STXBP5L: variants seen among roughly 807,000 people sequenced by gnomAD.
STXBP5L encodes the protein syntaxin-binding protein 5-like.
A neutral mutation model predicts 144.5 loss-of-function variants in STXBP5L; 65 were observed. The ratio of observed to expected loss-of-function variants is 0.45; its 90% CI spans 0.37 to 0.55. The LOEUF is 0.55. STXBP5L is among the 20% of genes least tolerant of loss of function. STXBP5L has a pLI of 0.00. For synonymous variants in STXBP5L, 505 were observed against 469.6 expected, an observed-to-expected ratio of 1.08 and a Z score of -0.97; for missense variants, 1,298 against 1,405.5, an observed-to-expected ratio of 0.92 and a Z score of 1.22.
intron 5 of STXBP5L, among the ~76,000 whole-genome samples, chr3:121,097,622 G>C (rs558793095): frequency 2.6e-5 from 4 of 152,240 alleles, no homozygotes; most frequent in South Asian, 2.1e-4. Context: ...CCCTGCTTCA[G>C]ATCACCCTCC....
intron 20 of STXBP5L, among the ~76,000 whole-genome samples, chr3:121,366,818 A>AT (rs140688338): frequency 1.3e-5 from 2 of 151,584 alleles, no homozygotes; most frequent in Non-Finnish European, 2.9e-5. Context: ...TTTGTACTCC[A>AT]TTTTTTTATT....
At position 121,217,254 on chromosome 3, in the gene STXBP5L, C is replaced by T. The variant is rs538519173; in HGVS notation, c.957-5749C>T. Reference sequence around the variant, plus strand: ...TGAAAAGAAACTCCTTCAGCTAGCTCGGTGTCTGCCCAAATGGCTTCCCAG... The same window carrying T: ...TGAAAAGAAACTCCTTCAGCTAGCTTGGTGTCTGCCCAAATGGCTTCCCAG... On this transcript the variant is annotated intron_variant, in intron 10 of 26. Transcript: ENST00000471454. Among the ~76,000 whole-genome samples, 46 of 152,252 alleles carry T rather than the reference C, an allele frequency of 3.0e-4. 1 individual carries two copies. Among genetic ancestry groups the T allele is most frequent in the African/African-American group, 2.2e-4 (9 of 41,548 alleles).
chr3:120,981,737 C>T (rs1216531694), intron 3 of STXBP5L, among the ~76,000 whole-genome samples: 1 of 152,124 alleles, frequency 6.6e-6, no homozygotes, highest in Non-Finnish European at 1.5e-5. Flanking sequence ...GCAGGTGGTA[C>T]AACACTTTGT....
chr3:121,000,182 G>A (rs977338330), intron 3 of STXBP5L, among the ~76,000 whole-genome samples: 2 of 152,134 alleles, frequency 1.3e-5, no homozygotes, highest in African/African-American at 4.8e-5. Flanking sequence ...AAATTTTCAT[G>A]AAGAAAATCC....
chr3:121,234,817 C>T (rs2049421060), intron 12 of STXBP5L, among the ~76,000 whole-genome samples: 1 of 151,764 alleles, frequency 6.6e-6, no homozygotes, highest in Non-Finnish European at 1.5e-5. Flanking sequence ...AGGATTTATG[C>T]TTATTCTTCT....
chr3:121,101,162 A>T (rs1457638970), intron 5 of STXBP5L, among the ~76,000 whole-genome samples: 1 of 152,098 alleles, frequency 6.6e-6, no homozygotes, highest in Non-Finnish European at 1.5e-5. Flanking sequence ...TCCACCAGAC[A>T]TACAAAGAAA....
At chr3:121,091,938 G>A (rs927303511) in intron 5 of STXBP5L, among the ~76,000 whole-genome samples, 1 of 152,024 alleles carries the variant, frequency 6.6e-6, no homozygotes, top group African/African-American at 2.4e-5. Flanking sequence ...AATTCATCTT[G>A]AATTAATTTT....
At chr3:121,121,928 G>A (rs1286250690) in intron 7 of STXBP5L, among the ~76,000 whole-genome samples, 1 of 150,888 alleles carries the variant, frequency 6.6e-6, no homozygotes, top group African/African-American at 2.4e-5. Context: ...GATAAAATCG[G>A]TATTTAATTC....
chr3:121,127,871 T>A (rs1271908896), intron 7 of STXBP5L, among the ~76,000 whole-genome samples: 1 of 151,938 alleles, frequency 6.6e-6, no homozygotes, highest in Non-Finnish European at 1.5e-5. Context: ...GGAGAACAGT[T>A]TCCCTTTTCT....
At position 121,378,793 on chromosome 3, in the gene STXBP5L, T is replaced by G. The variant is rs773074975; in HGVS notation, c.2254T>G (p.Ser752Ala). 1 of 1,613,774 alleles carries G rather than the reference T, an allele frequency of 6.2e-7. No individual in the cohort carries two copies. The highest frequency in any genetic ancestry group is 1.7e-5 in the Admixed American group (1 of 59,896). The change falls in exon 21 of 27, where the codon TCA (serine) becomes GCA (alanine). Residue 752 changes from serine (S) to alanine (A), a missense_variant. Coordinates refer to ENST00000471454, the MANE Select transcript of STXBP5L (RefSeq NM_001308330.2). Reference protein sequence around the residue: ...SGKRLSSADVSKVNRWGPGRP... With the variant: ...SGKRLSSADVAKVNRWGPGRP... ...AAAACGTCTTTCTAGTGCCGATGTT[T>G]CAAAAGTAAATCGCTGGGGTCCTGG...
In STXBP5L at chr3:121,087,131, G is replaced by T. The variant is rs112779092; in HGVS notation, c.471-27794G>T. On this transcript the variant is annotated intron_variant, in intron 5 of 26. Coordinates refer to ENST00000471454, the MANE Select transcript of STXBP5L (RefSeq NM_001308330.2). ...TAGCTCATCTTTGTGTATGTTCTGT[G>T]TATGCTAGAAAAATAATGTCTATTT... Among the ~76,000 whole-genome samples the T allele has an allele frequency of 2.5e-3, 378 of 152,048 alleles. 2 individuals are homozygous for T. Among genetic ancestry groups the T allele is most frequent in the African/African-American group, 8.6e-3 (355 of 41,520 alleles).
intron 20 of STXBP5L, among the ~76,000 whole-genome samples, chr3:121,355,754 G>A (rs890212456): frequency 1.3e-5 from 2 of 152,150 alleles, no homozygotes; most frequent in Non-Finnish European, 2.9e-5. Flanking sequence ...CAATCCTTGG[G>A]AGGAGAAGAG....
chr3:121,092,528 A>T (rs2042869140), intron 5 of STXBP5L, among the ~76,000 whole-genome samples: 2 of 152,064 alleles, frequency 1.3e-5, no homozygotes, highest in Admixed American at 6.6e-5. Context: ...ATTCTCTTTG[A>T]AGCAATTGGG....
chr3:121,218,911 C>A (rs1055992945), intron 10 of STXBP5L, among the ~76,000 whole-genome samples: 1 of 152,048 alleles, frequency 6.6e-6, no homozygotes, highest in Non-Finnish European at 1.5e-5. Flanking sequence ...ATGGATACAG[C>A]CTGTAATGTC....
chr3:121,159,879 G>A (rs1462858672), intron 9 of STXBP5L, among the ~76,000 whole-genome samples: 2 of 151,870 alleles, frequency 1.3e-5, no homozygotes, highest in Non-Finnish European at 2.9e-5. Context: ...TGATCCGCCC[G>A]CCTCAGCCTC....
At chr3:120,914,890 A>G (rs927157937) in intron 2 of STXBP5L, among the ~76,000 whole-genome samples, 1 of 152,162 alleles carries the variant, frequency 6.6e-6, no homozygotes, top group African/African-American at 2.4e-5. Context: ...TTTAAGAACC[A>G]GAAACCAAAG....
intron 20 of STXBP5L, among the ~76,000 whole-genome samples, chr3:121,360,354 C>T (rs537837562): frequency 6.6e-6 from 1 of 151,734 alleles, no homozygotes; most frequent in African/African-American, 2.4e-5. Flanking sequence ...TCCATTCAGT[C>T]ATTCTGTGTC....
At chr3:121,134,581 G>C (rs1325024651) in intron 7 of STXBP5L, among the ~76,000 whole-genome samples, 1 of 151,766 alleles carries the variant, frequency 6.6e-6, no homozygotes, top group Non-Finnish European at 1.5e-5. Flanking sequence ...ACAGGCCCTG[G>C]TGTGTGATGT....
At chr3:121,405,043 G>A (rs541727347) in intron 22 of STXBP5L, among the ~76,000 whole-genome samples, 1 of 152,168 alleles carries the variant, frequency 6.6e-6, no homozygotes, top group South Asian at 2.1e-4. Context: ...TACACATAGG[G>A]AGGGGGAGAG....
Sources: allele counts gnomAD v4.1 joint callset (sites outside exome capture counted in the v4.1 genomes callset), GRCh38; gene constraint gnomAD v4.1.1; transcripts MANE v1.5; gene names NCBI Gene and HGNC (gene_info 2026-07-23, HGNC 2026-07-21).